ADAMTS19: variants seen among roughly 807,000 people sequenced by gnomAD.
The protein encoded by ADAMTS19 is A disintegrin and metalloproteinase with thrombospondin motifs 19.
ADAMTS19 carries 93 observed loss-of-function variants against 153.3 expected under a neutral mutation model. That is an observed-to-expected ratio of 0.61 (90% CI 0.51 to 0.72). The LOEUF (loss-of-function observed/expected upper bound fraction) is 0.72, where lower values mean the gene tolerates loss of function less well. ADAMTS19 is among the 30% of genes least tolerant of loss of function. The pLI is 0.00. For synonymous variants in ADAMTS19, 600 were observed against 556.6 expected (o/e 1.08, Z -1.10); for missense variants, 1,482 against 1,552.1 (o/e 0.95, Z 0.76).
intron 18 of ADAMTS19, among the ~76,000 whole-genome samples, chr5:129,686,172 C>G (rs2021732): frequency 0.017 from 2,538 of 152,196 alleles, 39 homozygotes; most frequent in Non-Finnish European, 0.026. Context: ...CAATGTACAG[C>G]ATGCGAGTGC....
chr5:129,461,205 C>G lies in ADAMTS19; in HGVS notation c.195C>G (p.Asp65Glu). The change falls in exon 2 of 23, where the codon GAC becomes GAG. Residue 65 changes from aspartate (D) to glutamate (E), a missense_variant. Asp to Glu is a conservative substitution (Grantham distance 45). Coordinates refer to ENST00000274487, the MANE Select transcript of ADAMTS19 (RefSeq NM_133638.6). This position sits in a 1 kb window ranked among gnomAD's most constrained non-coding sequence, Gnocchi z 4.6. ...CTGGCGGCAGCGGGGGCAGCGCGGA[C>G]CCGGGCTGGGTGCGCGGCGTTGGGG... ...DPAGGSGGSA[D>E]PGWVRGVGGG... The G allele has an allele frequency of 7.7e-7, 1 of 1,304,194 alleles. No individual in the cohort carries two copies. The highest frequency in any genetic ancestry group is 2.5e-5 in the South Asian group (1 of 40,232). The allele number at this position is 1,304,194 out of a possible 1,614,324, so 80.8% of individuals were successfully genotyped here. A position where few individuals can be genotyped will look rare whatever the true frequency, so the allele number is the denominator to read the frequency against.
chr5:129,550,870 C>G (rs1388598790), intron 6 of ADAMTS19, among the ~76,000 whole-genome samples: 3 of 151,364 alleles, frequency 2.0e-5, no homozygotes, highest in Non-Finnish European at 3.0e-5. Flanking sequence ...AAGCTTATTG[C>G]TAAGAAGTTG....
chr5:129,476,240 C>T (rs1750221393), intron 2 of ADAMTS19, among the ~76,000 whole-genome samples: 1 of 152,008 alleles, frequency 6.6e-6, no homozygotes, highest in South Asian at 2.1e-4. Flanking sequence ...CAATTTCAAA[C>T]CACTAACAAG....
At chr5:129,510,828 T>C (rs1463572418) in intron 3 of ADAMTS19, among the ~76,000 whole-genome samples, 1 of 150,174 alleles carries the variant, frequency 6.7e-6, no homozygotes, top group African/African-American at 2.4e-5. Context: ...AGTTCATGTT[T>C]GGCAAATGTT....
chr5:129,481,457 C>T (rs1232094030), intron 2 of ADAMTS19, among the ~76,000 whole-genome samples: 2 of 152,048 alleles, frequency 1.3e-5, no homozygotes, highest in African/African-American at 4.8e-5. Context: ...CCATAGCAAC[C>T]CTTGATTACC....
chr5:129,567,452 T>C (rs1351114316), intron 7 of ADAMTS19, among the ~76,000 whole-genome samples: 1 of 152,028 alleles, frequency 6.6e-6, no homozygotes, highest in Non-Finnish European at 1.5e-5. Context: ...ATCTAACAAG[T>C]AAGGGCAAGC....
At chr5:129,565,171 C>G (rs1042773002) in intron 7 of ADAMTS19, among the ~76,000 whole-genome samples, 2 of 152,146 alleles carry the variant, frequency 1.3e-5, no homozygotes, top group African/African-American at 4.8e-5. Flanking sequence ...ATTATTTAAT[C>G]TCCCAATAAT....
At position 129,461,503 on chromosome 5, in the gene ADAMTS19, G is replaced by C. The variant is rs757921984; in HGVS notation, c.493G>C (p.Glu165Gln). 1.7e-5 allele frequency: 26 copies of C among 1,507,720 alleles called. No homozygotes were observed. In the South Asian group the frequency reaches 1.9e-4, roughly 11 times the overall value. The allele number at this position is 1,507,720 out of a possible 1,614,324, so 93.4% of individuals were successfully genotyped here. A position where few individuals can be genotyped will look rare whatever the true frequency, so the allele number is the denominator to read the frequency against. ...PPSPPPAQHA[E>Q]PDGDEVLLRI... ...GTCCCCGCCCCCGGCCCAGCATGCC[G>C]AGCCGGATGGCGACGAAGTGTTGCT... Residue 165 changes from glutamate (E) to glutamine (Q), a missense_variant, in exon 2 of 23, where the codon GAG becomes CAG. Transcript: ENST00000274487. This position sits in a 1 kb window ranked among gnomAD's most constrained non-coding sequence, Gnocchi z 4.6.
At chr5:129,488,074 C>T (rs1018209840) in intron 2 of ADAMTS19, among the ~76,000 whole-genome samples, 13 of 151,968 alleles carry the variant, frequency 8.6e-5, no homozygotes, top group African/African-American at 3.1e-4. Flanking sequence ...TCTGGTTTTA[C>T]TTCTTTTGTG....
intron 10 of ADAMTS19, among the ~76,000 whole-genome samples, chr5:129,626,023 T>G (rs1422515219): frequency 6.6e-6 from 1 of 151,976 alleles, no homozygotes; most frequent in Non-Finnish European, 1.5e-5. Flanking sequence ...ACTTAAATGT[T>G]AGACCTAAAA....
chr5:129,608,717 T>C (rs1417699355), intron 8 of ADAMTS19, among the ~76,000 whole-genome samples: 1 of 150,556 alleles, frequency 6.6e-6, no homozygotes, highest in East Asian at 2.0e-4. Flanking sequence ...AGTTCAGGAG[T>C]TCAAGACCAT....
chr5:129,712,761 G>A (rs920498851), intron 21 of ADAMTS19, among the ~76,000 whole-genome samples: 3 of 152,066 alleles, frequency 2.0e-5, no homozygotes, highest in African/African-American at 7.2e-5. Context: ...GGACAATGAG[G>A]CACATATGCT....
Position 129,461,317 on chromosome 5 carries a change from G to A in ADAMTS19, c.307G>A (p.Gly103Ser), listed in dbSNP as rs930561966. The change falls in exon 2 of 23, where the codon GGC becomes AGC. Residue 103 changes from glycine (G) to serine (S), a missense_variant. Physicochemically the swap from Gly to Ser is moderately conservative, Grantham distance 56. Around this residue, in one of 2 missense-constraint regions of ADAMTS19, gnomAD observed 866 missense variants for 827.7 expected, o/e 1.05. Transcript: ENST00000274487. The surrounding 1 kb of genome is among the most constrained non-coding windows in gnomAD (Gnocchi z 4.6). ...APVPLEEPVE[G>S]RSESRLRPPP... ...GGTGCCTTTGGAGGAGCCCGTGGAG[G>A]GCCGATCAGAGTCCCGGCTCCGGCC... 1 of 1,325,726 alleles carries A rather than the reference G, an allele frequency of 7.5e-7. No individual in the cohort carries two copies. Among genetic ancestry groups the A allele is most frequent in the Admixed American group, 4.2e-5 (1 of 23,984 alleles). 82.1% of individuals were successfully genotyped at this position (1,325,726 alleles called of 1,614,324 possible). A position where few individuals can be genotyped will look rare whatever the true frequency, so the allele number is the denominator to read the frequency against.
chr5:129,667,193 T>TGGATGCCA (rs1754092405), intron 16 of ADAMTS19, among the ~76,000 whole-genome samples: 1 of 152,194 alleles, frequency 6.6e-6, no homozygotes, highest in Admixed American at 6.5e-5. Context: ...ATAGGACCAC[T>TGGATGCCA]GGATGCCACT....
chr5:129,686,805 C>T (rs982605161), intron 18 of ADAMTS19, among the ~76,000 whole-genome samples: 1 of 152,026 alleles, frequency 6.6e-6, no homozygotes, highest in Non-Finnish European at 1.5e-5. Flanking sequence ...ACTTTGTGCC[C>T]CAAGGATAAA....
intron 7 of ADAMTS19, among the ~76,000 whole-genome samples, chr5:129,556,925 C>G (rs1335467027): frequency 6.6e-6 from 1 of 152,074 alleles, no homozygotes; most frequent in Non-Finnish European, 1.5e-5. Context: ...TAGAAAACTG[C>G]AAGAAAATAA....
At chr5:129,472,771 G>C (rs1244263779) in intron 2 of ADAMTS19, among the ~76,000 whole-genome samples, 2 of 150,468 alleles carry the variant, frequency 1.3e-5, no homozygotes, top group Non-Finnish European at 3.0e-5. Context: ...ATATATTTAT[G>C]TTATTATATT....
intron 10 of ADAMTS19, among the ~76,000 whole-genome samples, chr5:129,637,494 G>A (rs368797283): frequency 6.6e-6 from 1 of 152,170 alleles, no homozygotes; most frequent in South Asian, 2.1e-4. Context: ...TAGAAGTTGT[G>A]CAGGGACATG....
chr5:129,624,120 C>T (rs1434913336), intron 10 of ADAMTS19, among the ~76,000 whole-genome samples: 1 of 89,624 alleles, frequency 1.1e-5, no homozygotes, highest in East Asian at 3.6e-4. Context: ...GAGTGAGGCT[C>T]AGTCTCAAAA....
Sources: allele counts gnomAD v4.1 joint callset (sites outside exome capture counted in the v4.1 genomes callset), GRCh38; gene constraint gnomAD v4.1.1; regional missense constraint gnomAD v4.1.1; non-coding constraint Gnocchi (gnomAD v3.1); transcripts MANE v1.5; gene names NCBI Gene and HGNC (gene_info 2026-07-23, HGNC 2026-07-21).